Variants in EPHA6 observed in about 807,000 individuals in gnomAD.
The protein encoded by EPHA6 is ephrin type-A receptor 6.
EPHA6 carries 50 observed loss-of-function variants against 112.0 expected under a neutral mutation model. The observed-to-expected ratio is 0.45, with a 90% confidence interval of 0.36 to 0.56. EPHA6 has a LOEUF of 0.56. Among genes scored for constraint, EPHA6 ranks in the 20% least tolerant of loss-of-function variants. The probability of loss-of-function intolerance (pLI) is 0.00; values close to 1 mark genes in which losing one functional copy is unlikely to be tolerated. For missense variants in EPHA6, 1,280 were observed against 1,417.4 expected (o/e 0.90, Z 1.56); for synonymous variants, 529 against 490.7 (o/e 1.08, Z -1.03).
At chr3:97,200,871 G>A (rs2077562561) in intron 3 of EPHA6, among the ~76,000 whole-genome samples, 2 of 152,124 alleles carry the variant, frequency 1.3e-5, no homozygotes, top group South Asian at 2.1e-4. Flanking sequence ...TTGCCTGCTG[G>A]AGGCAGAGAA....
intron 5 of EPHA6, among the ~76,000 whole-genome samples, chr3:97,282,828 G>A (rs933583587): frequency 6.6e-6 from 1 of 152,114 alleles, no homozygotes; most frequent in Non-Finnish European, 1.5e-5. Flanking sequence ...ACACACCGGG[G>A]CCTATCAGCA....
intron 6 of EPHA6, among the ~76,000 whole-genome samples, chr3:97,407,372 A>C (rs1033526457): frequency 6.6e-6 from 1 of 151,834 alleles, no homozygotes; most frequent in Non-Finnish European, 1.5e-5. Flanking sequence ...ACACACACAC[A>C]CACCTTTTTA....
chr3:97,558,043 G>A (rs1267297204), intron 11 of EPHA6, among the ~76,000 whole-genome samples: 2 of 151,768 alleles, frequency 1.3e-5, no homozygotes, highest in African/African-American at 4.8e-5. Context: ...TAAGCACAGG[G>A]GCAGGACAAG....
chr3:96,838,738 T>G (rs2034564415), intron 1 of EPHA6, among the ~76,000 whole-genome samples: 1 of 152,144 alleles, frequency 6.6e-6, no homozygotes, highest in African/African-American at 2.4e-5. Context: ...ATTTATACAG[T>G]GATCATACCC....
chr3:97,214,288 C>T (rs1559802885), intron 3 of EPHA6, among the ~76,000 whole-genome samples: 1 of 151,992 alleles, frequency 6.6e-6, no homozygotes, highest in Non-Finnish European at 1.5e-5. Flanking sequence ...ATTCACCCAC[C>T]TTAGCTTCCT....
chr3:97,269,368 C>G (rs2079806139), intron 5 of EPHA6, among the ~76,000 whole-genome samples: 1 of 151,972 alleles, frequency 6.6e-6, no homozygotes, highest in Admixed American at 6.6e-5. Flanking sequence ...TCAAAGTGTC[C>G]CTCCCCTTCT....
intron 6 of EPHA6, among the ~76,000 whole-genome samples, chr3:97,416,374 A>G (rs1438369727): frequency 6.6e-6 from 1 of 152,166 alleles, no homozygotes; most frequent in African/African-American, 2.4e-5. Context: ...CTTTGTGGAT[A>G]AAATTTTAAA....
chr3:97,176,411 T>C (rs1453811735), intron 3 of EPHA6, among the ~76,000 whole-genome samples: 4 of 151,878 alleles, frequency 2.6e-5, no homozygotes, highest in Non-Finnish European at 4.4e-5. Flanking sequence ...ACTGGGCTCA[T>C]AGAATGAGTT....
chr3:97,114,143 G>A (rs1012912913), intron 3 of EPHA6, among the ~76,000 whole-genome samples: 12 of 152,042 alleles, frequency 7.9e-5, no homozygotes, highest in African/African-American at 2.9e-4. Flanking sequence ...GAGCCCCTTG[G>A]TGAACAAGAC....
chr3:97,334,465 CTTTTTTTTTCTTCTTTT>C (rs2082956588), intron 5 of EPHA6, among the ~76,000 whole-genome samples: 1 of 142,854 alleles, frequency 7.0e-6, no homozygotes, highest in East Asian at 2.0e-4. Flanking sequence ...TCTTTTCTTT[CTTTTTTTTTCTTCTTTT>C]TTTTTTTTTT....
At chr3:97,284,255 T>C (rs1303110021) in intron 5 of EPHA6, among the ~76,000 whole-genome samples, 2 of 152,196 alleles carry the variant, frequency 1.3e-5, no homozygotes, top group African/African-American at 2.4e-5. Context: ...TTACTAGCTT[T>C]TAAATCTGTG....
In EPHA6 at chr3:97,466,295, A is replaced by G. The variant is rs75348467; in HGVS notation, c.1895-9057A>G. On this transcript the variant is annotated intron_variant, in intron 7 of 17. Transcript: ENST00000389672. ...TAGATAGAAAACATTCCCCTCAAGCAACATAATAAACAATGAGAAGTAACT... is the reference window on the plus strand; with the variant it reads ...TAGATAGAAAACATTCCCCTCAAGCGACATAATAAACAATGAGAAGTAACT... The G allele has an allele frequency of 4.9e-4, 693 of 1,409,164 alleles. 5 individuals carry two copies. The African/African-American group carries it at 8.3e-3, about 17-fold the overall frequency. 87.3% of individuals were successfully genotyped at this position (1,409,164 alleles called of 1,614,324 possible). A position where few individuals can be genotyped will look rare whatever the true frequency, so the allele number is the denominator to read the frequency against.
intron 11 of EPHA6, chr3:97,572,842 T>G (rs2093347775): frequency 6.6e-6 from 1 of 152,138 alleles, no homozygotes; most frequent in African/African-American, 2.4e-5. Context: ...ATTGTTATAA[T>G]TTTTTCATTC....
intron 3 of EPHA6, among the ~76,000 whole-genome samples, chr3:97,178,500 G>T (rs1038386506): frequency 1.3e-5 from 2 of 151,974 alleles, no homozygotes; most frequent in African/African-American, 4.8e-5. Context: ...CTTTCTGATT[G>T]CAGTGCTCCC....
At chr3:97,377,008 G>A (rs1383534708) in intron 5 of EPHA6, among the ~76,000 whole-genome samples, 1 of 152,156 alleles carries the variant, frequency 6.6e-6, no homozygotes, top group African/African-American at 2.4e-5. Flanking sequence ...TCACATGGAC[G>A]AAAGTGGAAC....
chr3:97,378,949 T>A (rs1185603433), intron 5 of EPHA6, among the ~76,000 whole-genome samples: 3 of 152,128 alleles, frequency 2.0e-5, no homozygotes, highest in African/African-American at 7.2e-5. Flanking sequence ...GGGGGACAGT[T>A]AGGAAGGCAT....
At position 97,183,377 on chromosome 3, in the gene EPHA6, A is replaced by G. The variant is rs111936587; in HGVS notation, c.1115-42887A>G. ...ATGATGAGGTACAACTATAAATTCCACAATATTAGATAATGTGATAGATTG... is the reference window on the plus strand; with the variant it reads ...ATGATGAGGTACAACTATAAATTCCGCAATATTAGATAATGTGATAGATTG... On this transcript the variant is annotated intron_variant, in intron 3 of 17. Transcript: ENST00000389672. Among the ~76,000 whole-genome samples the G allele has an allele frequency of 1.1e-3, 164 of 152,300 alleles. 1 individual carries two copies. Among genetic ancestry groups the G allele is most frequent in the African/African-American group, 3.8e-3 (156 of 41,588 alleles).
Position 97,736,138 on chromosome 3 carries a change from G to T in EPHA6, c.3128+20G>T, listed in dbSNP as rs769873079. ...CCTTGTGTAAGAGGCATAATGTTGA[G>T]TTTTTTTCTTCTTGACAATTATGGT... On this transcript the variant is annotated intron_variant, in intron 16 of 17. Coordinates refer to ENST00000389672, the MANE Select transcript of EPHA6 (RefSeq NM_001080448.3). 31 of 1,580,606 alleles carry T rather than the reference G, an allele frequency of 2.0e-5. No homozygotes were observed. The East Asian group carries it at 4.5e-4, about 23-fold the overall frequency.
At chr3:97,497,346 T>C (rs1253237262) in intron 10 of EPHA6, among the ~76,000 whole-genome samples, 1 of 152,172 alleles carries the variant, frequency 6.6e-6, no homozygotes, top group Non-Finnish European at 1.5e-5. Flanking sequence ...TCTGTCTAAC[T>C]AGGAAGCTCT....
Sources: gnomAD v4.1 joint callset for allele counts (sites outside exome capture counted in the v4.1 genomes callset) on GRCh38, gnomAD v4.1.1 for gene constraint, MANE v1.5 for transcripts, NCBI Gene and HGNC (gene_info 2026-07-23, HGNC 2026-07-21) for gene names.